Variants in PPP2R2C observed in about 807,000 individuals in gnomAD.
PPP2R2C encodes protein phosphatase 2 regulatory subunit Bgamma.
In PPP2R2C, 10 loss-of-function variants were observed where a neutral mutation model predicts 45.3. The observed-to-expected ratio is 0.22, with a 90% CI of 0.14 to 0.37. The LOEUF is 0.37. Ranked by LOEUF, PPP2R2C falls within the 10% of genes least tolerant of loss-of-function variation. The pLI, the probability that PPP2R2C is intolerant of heterozygous loss-of-function variation, is 1.00. For missense variants in PPP2R2C, 308 were observed against 619.7 expected (o/e 0.50, Z 5.34); for synonymous variants, 257 against 245.4 (o/e 1.05, Z -0.44).
At chr4:6,409,209 T>C (rs1387178992) in intron 1 of PPP2R2C, among the ~76,000 whole-genome samples, 1 of 152,194 alleles carries the variant, frequency 6.6e-6, no homozygotes, top group African/African-American at 2.4e-5. Flanking sequence ...GGAAGGTAAT[T>C]AAGGCATCAT....
rs1275407878 is a variant in PPP2R2C at position 6,349,667 on chromosome 4, C to T, written c.626-1657G>A. ...CATTCTGGCCAACACAGTAAAACCCCGTCTCTACTAAAATACAAAAAGAAA... is the reference window on the plus strand; with the variant it reads ...CATTCTGGCCAACACAGTAAAACCCTGTCTCTACTAAAATACAAAAAGAAA... On this transcript the variant is annotated intron_variant, in intron 5 of 8. Coordinates refer to ENST00000382599, the MANE Select transcript of PPP2R2C (RefSeq NM_020416.4). The T allele has an allele frequency of 1.4e-5, 12 of 836,974 alleles. No individual in the cohort carries two copies. The African/African-American group carries it at 1.7e-4, about 12-fold the overall frequency. 51.8% of individuals were successfully genotyped at this position (836,974 alleles called of 1,614,324 possible).
chr4:6,416,429 C>A (rs772368002), intron 1 of PPP2R2C, among the ~76,000 whole-genome samples: 3 of 152,230 alleles, frequency 2.0e-5, no homozygotes, highest in Non-Finnish European at 2.9e-5. Flanking sequence ...ATCAGCACAA[C>A]CTGCGGATGT....
chr4:6,387,509 TTCG>T (rs1716296438), intron 1 of PPP2R2C, among the ~76,000 whole-genome samples: 2 of 152,076 alleles, frequency 1.3e-5, no homozygotes, highest in African/African-American at 4.8e-5. Context: ...AGTCGAAATA[TTCG>T]TCAAGAATGA....
chr4:6,371,946 T>C (rs766844770), intron 5 of PPP2R2C, among the ~76,000 whole-genome samples: 12 of 152,122 alleles, frequency 7.9e-5, no homozygotes, highest in Non-Finnish European at 1.3e-4. Flanking sequence ...GCTCATGTCA[T>C]CACCAGCTCT....
At chr4:6,540,424 G>A (rs918598077) in intron 1 of PPP2R2C, among the ~76,000 whole-genome samples, 9 of 152,208 alleles carry the variant, frequency 5.9e-5, no homozygotes, top group African/African-American at 2.2e-4. Flanking sequence ...TTTTAGGGCT[G>A]TATAATACTC....
chr4:6,555,133 A>C (rs1577256686), intron 1 of PPP2R2C, among the ~76,000 whole-genome samples: 2 of 152,140 alleles, frequency 1.3e-5, no homozygotes, highest in East Asian at 3.9e-4. Context: ...GCGTCCTCAC[A>C]TGGTAGATAT....
chr4:6,537,587 T>G (rs1724672894), intron 1 of PPP2R2C, among the ~76,000 whole-genome samples: 1 of 151,418 alleles, frequency 6.6e-6, no homozygotes, highest in African/African-American at 2.4e-5. Context: ...GTCTTGCTCT[T>G]TCACCCAGGC....
At chr4:6,562,468 CGGG>C (rs201107217) in intron 1 of PPP2R2C, among the ~76,000 whole-genome samples, 4 of 93,168 alleles carry the variant, frequency 4.3e-5, no homozygotes, top group African/African-American at 1.9e-4. Context: ...TCAACGGAGT[CGGG>C]GGGGGGGGTT....
Position 6,557,944 on chromosome 4 carries a change from C to A in PPP2R2C, c.-59+5616G>T, listed in dbSNP as rs111928493. On this transcript the variant is annotated intron_variant, in intron 1 of 9. Coordinates refer to the PPP2R2C transcript ENST00000506140. ...TGCTGCGTGACTCCAGGCAAACCCT[C>A]CCCAGCCCCACCCCAGACCTCTCCT... Among the ~76,000 whole-genome samples the A allele has an allele frequency of 2.0e-5, 3 of 152,002 alleles. No individual in the cohort carries two copies. In the South Asian group the frequency reaches 6.2e-4, roughly 32 times the overall value.
Position 6,502,337 on chromosome 4 carries a change from T to C in PPP2R2C, c.49+32934A>G, listed in dbSNP as rs143259353. ...CTTCACCTTAAAAGAAACAAGCGAA[T>C]CTCCCCTCTGGTCTGTGATGTACGG... On this transcript the variant is annotated intron_variant, in intron 2 of 9. Coordinates refer to the PPP2R2C transcript ENST00000506140. 3.3e-3 allele frequency among the ~76,000 whole-genome samples: 505 copies of C among 152,122 alleles called. 1 individual carries two copies. The highest frequency in any genetic ancestry group is 0.012 in the African/African-American group (482 of 41,482).
chr4:6,547,076 G>A (rs888795029), intron 1 of PPP2R2C, among the ~76,000 whole-genome samples: 1 of 152,126 alleles, frequency 6.6e-6, no homozygotes, highest in African/African-American at 2.4e-5. Flanking sequence ...GCCAGACCTC[G>A]GCCTCTGAAA....
chr4:6,354,628 C>A (rs1165759422), intron 5 of PPP2R2C, among the ~76,000 whole-genome samples: 1 of 152,072 alleles, frequency 6.6e-6, no homozygotes, highest in African/African-American at 2.4e-5. Context: ...AATTTAGAAA[C>A]TCTGTTCACG....
At position 6,345,176 on chromosome 4, in the gene PPP2R2C, G is replaced by T. The variant is rs997711517; in HGVS notation, c.790+2670C>A. 5.3e-5 allele frequency among the ~76,000 whole-genome samples: 8 copies of T among 152,172 alleles called. No homozygotes were observed. The highest frequency in any genetic ancestry group is 1.2e-4 in the Non-Finnish European group (8 of 68,030). On this transcript the variant is annotated intron_variant, in intron 6 of 8. Coordinates refer to ENST00000382599, the MANE Select transcript of PPP2R2C (RefSeq NM_020416.4). The surrounding 1 kb of genome is among the most constrained non-coding windows in gnomAD (Gnocchi z 5.3). ...CTCCTTCCCACAGGGCTCACACGGGGTCAGCAGCGGACCAGGAGCAGGAAG... is the reference window on the plus strand; with the variant it reads ...CTCCTTCCCACAGGGCTCACACGGGTTCAGCAGCGGACCAGGAGCAGGAAG...
intron 2 of PPP2R2C, among the ~76,000 whole-genome samples, chr4:6,510,496 T>C (rs1378893148): frequency 6.6e-6 from 1 of 152,202 alleles, no homozygotes; most frequent in East Asian, 1.9e-4. Context: ...GTACCCGAAA[T>C]TGTTTCTGTT....
At chr4:6,394,525 T>C (rs2109338287) in intron 1 of PPP2R2C, among the ~76,000 whole-genome samples, 1 of 152,366 alleles carries the variant, frequency 6.6e-6, no homozygotes, top group Non-Finnish European at 1.5e-5. Flanking sequence ...CTGTCTCCTG[T>C]CCTGCTTATG....
chr4:6,503,394 G>GC (rs1322798964), intron 2 of PPP2R2C, among the ~76,000 whole-genome samples: 2 of 152,182 alleles, frequency 1.3e-5, no homozygotes, highest in African/African-American at 4.8e-5. Flanking sequence ...TTCAGTAGAA[G>GC]CCCATTGCCC....
intron 6 of PPP2R2C, among the ~76,000 whole-genome samples, chr4:6,342,873 G>A (rs1032978218): frequency 2.6e-5 from 4 of 151,910 alleles, no homozygotes; most frequent in South Asian, 2.1e-4. Flanking sequence ...AGAGCTTCTC[G>A]GACCCTCGGT....
rs16838673 is a variant in PPP2R2C at position 6,374,999 on chromosome 4, C to T, written c.447+820G>A. On this transcript the variant is annotated intron_variant, in intron 4 of 8. Coordinates refer to ENST00000382599, the MANE Select transcript of PPP2R2C (RefSeq NM_020416.4). The stretch of plus-strand genomic sequence containing the variant: ...GTGACTTACAGAGAAAAATCTCCAA[C>T]GCTGGGAGGGACATAAACAGGATTT... Among the ~76,000 whole-genome samples the T allele has an allele frequency of 6.0e-3, 906 of 152,232 alleles. 9 individuals are homozygous for T. The highest frequency in any genetic ancestry group is 0.023 in the Admixed American group (348 of 15,294).
At position 6,330,065 on chromosome 4, in the gene PPP2R2C, C is replaced by G. The variant is rs1248740842; in HGVS notation, c.961-712G>C. ...CACTGAGGCTCACAGGGTCACACAG[C>G]CTCTAAGAGGCTGACCAGGACCCTT... On this transcript the variant is annotated intron_variant, in intron 7 of 8. Transcript: ENST00000382599. This position sits in a 1 kb window ranked among gnomAD's most constrained non-coding sequence, Gnocchi z 7.0. 6.6e-6 allele frequency among the ~76,000 whole-genome samples: 1 copy of G among 152,100 alleles called. No individual in the cohort carries two copies. Among genetic ancestry groups the G allele is most frequent in the African/African-American group, 2.4e-5 (1 of 41,418 alleles).
Sources: gnomAD v4.1 joint callset for allele counts (sites outside exome capture counted in the v4.1 genomes callset) on GRCh38, gnomAD v4.1.1 for gene constraint, Gnocchi (gnomAD v3.1) non-coding constraint, MANE v1.5 for transcripts, NCBI Gene and HGNC (gene_info 2026-07-23, HGNC 2026-07-21) for gene names.